RGS8: variants seen among roughly 807,000 people sequenced by gnomAD.
RGS8 encodes the protein regulator of G-protein signaling 8.
Under a neutral mutation model 21.7 loss-of-function variants are expected in RGS8, and 8 were observed. The observed-to-expected ratio is 0.37, with a 90% CI of 0.22 to 0.66. RGS8 has a LOEUF of 0.66. Ranked by LOEUF, RGS8 falls within the 30% of genes least tolerant of loss-of-function variation. RGS8 has a pLI of 0.59. For synonymous variants in RGS8, 80 were observed against 83.6 expected, an observed-to-expected ratio of 0.96 and a Z score of 0.24; for missense variants, 157 against 217.9, an observed-to-expected ratio of 0.72 and a Z score of 1.76.
the RGS8 span, among the ~76,000 whole-genome samples, chr1:182,732,282 C>CACACACACACAT: frequency 1.3e-5 from 2 of 150,630 alleles, no homozygotes; most frequent in African/African-American, 4.9e-5. Flanking sequence ...TACACACACA[C>CACACACACACAT]ACACACACAC....
At chr1:182,709,116 T>C in the RGS8 span, among the ~76,000 whole-genome samples, 1 of 152,232 alleles carries the variant, frequency 6.6e-6, no homozygotes, top group Admixed American at 6.5e-5. Flanking sequence ...TTTATGTATG[T>C]GTGGGTTTTT....
At chr1:182,683,679 C>CCCATTTAGCTGATG in intron 1 of RGS8, among the ~76,000 whole-genome samples, 1 of 150,292 alleles carries the variant, frequency 6.7e-6, no homozygotes, top group Non-Finnish European at 1.5e-5. Context: ...CTGAGAAGTA[C>CCCATTTAGCTGATG]CCATTTAGCT....
intron 2 of RGS8, among the ~76,000 whole-genome samples, chr1:182,670,036 C>T (rs1284381544): frequency 6.6e-6 from 1 of 152,224 alleles, no homozygotes; most frequent in Non-Finnish European, 1.5e-5. Context: ...GTGGGCCTAG[C>T]AAACCAAAAA....
At chr1:182,748,048 T>C in the RGS8 span, among the ~76,000 whole-genome samples, 1 of 152,230 alleles carries the variant, frequency 6.6e-6, no homozygotes, top group African/African-American at 2.4e-5. Flanking sequence ...TACATACACA[T>C]TGTAGAATGG....
the RGS8 span, among the ~76,000 whole-genome samples, chr1:182,706,488 C>CA: frequency 3.3e-5 from 5 of 151,502 alleles, no homozygotes; most frequent in Non-Finnish European, 5.9e-5. Flanking sequence ...TTTTTTGAGA[C>CA]AGAGTCTCAC....
At chr1:182,668,563 C>T (rs928023955) in intron 3 of RGS8, among the ~76,000 whole-genome samples, 1 of 152,204 alleles carries the variant, frequency 6.6e-6, no homozygotes, top group African/African-American at 2.4e-5. Context: ...GGATGGACAG[C>T]ATTTGTATTC....
the RGS8 span, among the ~76,000 whole-genome samples, chr1:182,741,891 A>G: frequency 1.8e-3 from 235 of 132,578 alleles, 1 homozygote; most frequent in African/African-American, 6.5e-3. Context: ...TGACCCCCCC[A>G]CCTCCCTCCC....
At chr1:182,713,427 G>A in the RGS8 span, among the ~76,000 whole-genome samples, 5 of 151,978 alleles carry the variant, frequency 3.3e-5, no homozygotes, top group Non-Finnish European at 7.4e-5. Flanking sequence ...CCAGTGATCT[G>A]CCTGCCTCAG....
upstream of RGS8, among the ~76,000 whole-genome samples, chr1:182,684,871 T>C (rs752975825): frequency 2.0e-5 from 3 of 152,074 alleles, no homozygotes; most frequent in Non-Finnish European, 4.4e-5. The surrounding 1 kb of genome is among the most constrained non-coding windows in gnomAD (Gnocchi z 4.2). Flanking sequence ...GGTAACTGGC[T>C]TGTGGGAGAA....
chr1:182,662,459 T>C (rs1213202464), intron 5 of RGS8, among the ~76,000 whole-genome samples: 1 of 152,164 alleles, frequency 6.6e-6, no homozygotes, highest in Non-Finnish European at 1.5e-5. Flanking sequence ...TTCTAAGAGA[T>C]TGAGAGATCC....
chr1:182,672,719 T>C, upstream of RGS8: 4 of 1,418,622 alleles, frequency 2.8e-6, no homozygotes, highest in Non-Finnish European at 4.0e-6. Context: ...CCTACTTGCA[T>C]TTGTTATGGA....
At chr1:182,738,784 G>A in the RGS8 span, among the ~76,000 whole-genome samples, 2 of 152,242 alleles carry the variant, frequency 1.3e-5, no homozygotes, top group African/African-American at 4.8e-5. Flanking sequence ...AACCAAGTAT[G>A]CATCTGGGAA....
At chr1:182,744,473 T>A in the RGS8 span, among the ~76,000 whole-genome samples, 11 of 152,276 alleles carry the variant, frequency 7.2e-5, no homozygotes, top group African/African-American at 2.4e-4. Flanking sequence ...CATAATAAAG[T>A]TTCAGTCAAC....
At chr1:182,740,525 CAT>C in the RGS8 span, among the ~76,000 whole-genome samples, 1 of 140,374 alleles carries the variant, frequency 7.1e-6, no homozygotes. Flanking sequence ...GATTTGAACT[CAT>C]GTTGTTTTTT....
At chr1:182,658,198 G>A (rs1663378806) in intron 5 of RGS8, among the ~76,000 whole-genome samples, 1 of 152,176 alleles carries the variant, frequency 6.6e-6, no homozygotes, top group African/African-American at 2.4e-5. Context: ...GCCTGTGGCT[G>A]GCTTTCTCCC....
At chr1:182,720,791 ATG>A in the RGS8 span, among the ~76,000 whole-genome samples, 5 of 150,402 alleles carry the variant, frequency 3.3e-5, no homozygotes, top group South Asian at 2.1e-4. Context: ...TTATAATTAT[ATG>A]TGTGTGTGTG....
the RGS8 span, among the ~76,000 whole-genome samples, chr1:182,742,424 G>T: frequency 6.6e-6 from 1 of 151,714 alleles, no homozygotes. Context: ...CCGAGATCAC[G>T]CCACTGCACT....
chr1:182,667,047 G>A (rs1271685694), intron 3 of RGS8, 74 bp from the exon 5 acceptor site: 2 of 1,241,308 alleles, frequency 1.6e-6, no homozygotes, highest in African/African-American at 1.5e-5. Context: ...CAGGGCCCCT[G>A]GAGCTGCTGC....
intron 1 of RGS8, among the ~76,000 whole-genome samples, chr1:182,680,459 G>C (rs1326838079): frequency 6.6e-6 from 1 of 152,084 alleles, no homozygotes; most frequent in Non-Finnish European, 1.5e-5. Context: ...ACTTCAGGAC[G>C]ACTTCTCCAA....
Sources: gnomAD v4.1 joint callset for allele counts (sites outside exome capture counted in the v4.1 genomes callset) on GRCh38, gnomAD v4.1.1 for gene constraint, Gnocchi (gnomAD v3.1) non-coding constraint, MANE v1.5 for transcripts, NCBI Gene and HGNC (gene_info 2026-07-23, HGNC 2026-07-21) for gene names.